Variants in COL25A1 observed in about 807,000 individuals in gnomAD.
COL25A1 encodes the protein collagen type XXV alpha 1 chain, also known as collagen alpha-1(XXV) chain.
In COL25A1, 103 loss-of-function variants were observed where a neutral mutation model predicts 128.4. That is an observed-to-expected ratio of 0.80 (90% CI 0.68 to 0.94). COL25A1 has a LOEUF of 0.94. COL25A1 is among the 40% of genes least tolerant of loss of function. COL25A1 has a pLI of 0.00. For synonymous variants in COL25A1, 279 were observed against 277.2 expected (o/e 1.01, Z -0.06); for missense variants, 745 against 840.0 (o/e 0.89, Z 1.40).
At chr4:109,075,186 G>GAATC (rs1763278984) in intron 3 of COL25A1, among the ~76,000 whole-genome samples, 1 of 152,112 alleles carries the variant, frequency 6.6e-6, no homozygotes, top group South Asian at 2.1e-4. Flanking sequence ...TGAGTTGCTA[G>GAATC]AATCTATGGT....
At chr4:109,071,682 A>C (rs1191523590) in intron 3 of COL25A1, among the ~76,000 whole-genome samples, 7 of 152,196 alleles carry the variant, frequency 4.6e-5, no homozygotes, top group African/African-American at 1.2e-4. Flanking sequence ...ATGCAGCCAA[A>C]AGACACATGA....
intron 8 of COL25A1, among the ~76,000 whole-genome samples, chr4:108,960,976 T>A (rs150291057): frequency 6.6e-6 from 1 of 152,256 alleles, no homozygotes; most frequent in East Asian, 1.9e-4. Flanking sequence ...TTCTCTTTAA[T>A]CCTGAAATGC....
chr4:108,892,652 C>A (rs1741653636), intron 16 of COL25A1, among the ~76,000 whole-genome samples: 1 of 151,978 alleles, frequency 6.6e-6, no homozygotes. Flanking sequence ...TTTTTTCTTT[C>A]TTTCCTTTTC....
chr4:109,268,024 T>A (rs1463874125), intron 3 of COL25A1, among the ~76,000 whole-genome samples: 1 of 152,160 alleles, frequency 6.6e-6, no homozygotes, highest in African/African-American at 2.4e-5. Flanking sequence ...TCTAAAACTT[T>A]AAAATGTCAA....
intron 5 of COL25A1, among the ~76,000 whole-genome samples, chr4:109,019,890 A>C (rs1757569622): frequency 6.6e-6 from 1 of 152,212 alleles, no homozygotes; most frequent in African/African-American, 2.4e-5. Flanking sequence ...ATATTGACGA[A>C]AAATTACTTT....
In COL25A1 at chr4:108,827,172, A is replaced by G; in HGVS notation, c.1727T>C (p.Met576Thr). 1 of 1,613,972 alleles carries G rather than the reference A, an allele frequency of 6.2e-7. No individual in the cohort carries two copies. The highest frequency in any genetic ancestry group is 1.3e-5 in the African/African-American group (1 of 75,042). ...GGGCCCTCTTGGTCCAGGCTCTCCC[A>G]TAGCTCCTTTTTCACCCTAAAATGA... is the stretch of plus-strand genomic sequence containing the variant. ...PKGERGEKGAMGEPGPRGPYG... is the reference protein window; with the variant it reads ...PKGERGEKGATGEPGPRGPYG... The change falls in exon 33 of 38, where the codon ATG becomes ACG. Residue 576 changes from methionine to threonine, a missense_variant. Around this residue, in one of 3 missense-constraint regions of COL25A1, gnomAD observed 387 missense variants for 441.9 expected, o/e 0.88. Coordinates refer to ENST00000399132, the MANE Select transcript of COL25A1 (RefSeq NM_198721.4).
intron 13 of COL25A1, among the ~76,000 whole-genome samples, chr4:108,909,455 G>A (rs1560844538): frequency 6.6e-6 from 1 of 152,120 alleles, no homozygotes; most frequent in Non-Finnish European, 1.5e-5. Flanking sequence ...CCTTCCTTAT[G>A]CTTTTTAAAA....
intron 8 of COL25A1, among the ~76,000 whole-genome samples, chr4:108,970,842 G>A (rs892333748): frequency 1.3e-5 from 2 of 152,014 alleles, no homozygotes; most frequent in African/African-American, 4.8e-5. Flanking sequence ...TTAACATAAT[G>A]TCCTTCAGGT....
At chr4:109,145,463 A>T (rs557436730) in intron 3 of COL25A1, among the ~76,000 whole-genome samples, 1 of 152,344 alleles carries the variant, frequency 6.6e-6, no homozygotes, top group South Asian at 2.1e-4. Flanking sequence ...ATTGCCTTTC[A>T]TTGAGCAAAA....
intron 16 of COL25A1, among the ~76,000 whole-genome samples, chr4:108,895,714 T>C (rs1467630964): frequency 6.6e-6 from 1 of 152,040 alleles, no homozygotes; most frequent in Non-Finnish European, 1.5e-5. Flanking sequence ...TAATCAAACT[T>C]TTCTTTTTAA....
At chr4:109,071,963 A>T (rs1763005415) in intron 3 of COL25A1, among the ~76,000 whole-genome samples, 1 of 152,246 alleles carries the variant, frequency 6.6e-6, no homozygotes, top group Non-Finnish European at 1.5e-5. Context: ...TACCCAAAGG[A>T]TTATAAATCA....
At chr4:109,292,677 C>G (rs570529493) in intron 3 of COL25A1, among the ~76,000 whole-genome samples, 3 of 152,124 alleles carry the variant, frequency 2.0e-5, no homozygotes, top group Admixed American at 6.5e-5. Context: ...GGTAGTAGAA[C>G]AGAATTATAC....
At chr4:108,879,088 T>G (rs896532846) in intron 19 of COL25A1, among the ~76,000 whole-genome samples, 1 of 152,226 alleles carries the variant, frequency 6.6e-6, no homozygotes, top group Admixed American at 6.5e-5. Flanking sequence ...TCTATTAGAT[T>G]ACTGAGCACT....
intron 3 of COL25A1, among the ~76,000 whole-genome samples, chr4:109,183,123 C>T (rs571318645): frequency 6.6e-6 from 1 of 152,168 alleles, no homozygotes; most frequent in African/African-American, 2.4e-5. Flanking sequence ...ACATTAACCT[C>T]AGTAATATAG....
intron 6 of COL25A1, among the ~76,000 whole-genome samples, chr4:109,003,933 T>C (rs530667492): frequency 8.5e-5 from 13 of 152,314 alleles, no homozygotes; most frequent in Middle Eastern, 3.4e-3. Flanking sequence ...ATTATTTACT[T>C]TATTCCCTTT....
chr4:108,819,040 C>G (rs1235646049), intron 36 of COL25A1, among the ~76,000 whole-genome samples: 1 of 152,114 alleles, frequency 6.6e-6, no homozygotes, highest in Non-Finnish European at 1.5e-5. Flanking sequence ...GTTGTGAGAA[C>G]AACATCAGGA....
In COL25A1 at chr4:108,836,895, G is replaced by A. The variant is rs753546310; in HGVS notation, c.1657-4462C>T. Among the ~76,000 whole-genome samples, 11 of 151,906 alleles carry A rather than the reference G, an allele frequency of 7.2e-5. No individual in the cohort carries two copies. In the South Asian group the frequency reaches 8.3e-4, roughly 11 times the overall value. ...GGAGTTTGAGACCAGCCTGGCCAAC[G>A]TGGCGAAACCCTGTCTCTACTAAAA... On this transcript the variant is annotated intron_variant, in intron 31 of 37. Transcript: ENST00000399132.
At chr4:108,884,949 A>G (rs1740604456) in intron 18 of COL25A1, among the ~76,000 whole-genome samples, 1 of 152,172 alleles carries the variant, frequency 6.6e-6, no homozygotes, top group Admixed American at 6.6e-5. Flanking sequence ...CATTATTTTA[A>G]GCCCAAAGAA....
At chr4:109,216,202 G>A (rs1044811992) in intron 3 of COL25A1, among the ~76,000 whole-genome samples, 2 of 151,768 alleles carry the variant, frequency 1.3e-5, no homozygotes, top group African/African-American at 4.8e-5. Context: ...CTACTGCCTA[G>A]GAAAATGTCG....
Sources: gnomAD v4.1 joint callset for allele counts (sites outside exome capture counted in the v4.1 genomes callset) on GRCh38, gnomAD v4.1.1 for gene constraint, gnomAD v4.1.1 regional missense constraint, MANE v1.5 for transcripts, NCBI Gene and HGNC (gene_info 2026-07-23, HGNC 2026-07-21) for gene names.